The following BICC1 variants were observed in gnomAD, a reference collection of about 807,000 sequenced individuals.
BICC1 encodes the protein protein bicaudal C homolog 1.
BICC1 carries 43 observed loss-of-function variants against 111.0 expected under a neutral mutation model. The observed-to-expected ratio is 0.39, with a 90% CI of 0.30 to 0.50. The LOEUF (loss-of-function observed/expected upper bound fraction) is 0.50. Among genes scored for constraint, BICC1 ranks in the 20% least tolerant of loss-of-function variants. BICC1 has a pLI of 0.88. For synonymous variants in BICC1, 467 were observed against 434.4 expected, an observed-to-expected ratio of 1.07 and a Z score of -0.93; for missense variants, 1,091 against 1,203.2, an observed-to-expected ratio of 0.91 and a Z score of 1.38.
At chr10:58,535,434 T>C (rs1398481856) in intron 1 of BICC1, among the ~76,000 whole-genome samples, 1 of 151,738 alleles carries the variant, frequency 6.6e-6, no homozygotes. Flanking sequence ...TTTAGTCTTC[T>C]TAAACAGAAT....
At chr10:58,629,232 A>C (rs921838158) in intron 2 of BICC1, among the ~76,000 whole-genome samples, 5 of 152,330 alleles carry the variant, frequency 3.3e-5, no homozygotes, top group South Asian at 4.1e-4. Flanking sequence ...ATGACTTCAC[A>C]GAAGAATCAA....
At chr10:58,633,669 C>T (rs901769590) in intron 2 of BICC1, among the ~76,000 whole-genome samples, 6 of 152,102 alleles carry the variant, frequency 3.9e-5, no homozygotes, top group African/African-American at 1.4e-4. Context: ...AATGTATTTT[C>T]CAGGAAAACA....
intron 12 of BICC1, among the ~76,000 whole-genome samples, 160 bp from the exon 13 acceptor site, chr10:58,800,034 G>A (rs1205649361): frequency 6.6e-6 from 1 of 152,060 alleles, no homozygotes; most frequent in Non-Finnish European, 1.5e-5. Flanking sequence ...TTTCAGCAGT[G>A]TTTTGTAGTT....
intron 1 of BICC1, among the ~76,000 whole-genome samples, chr10:58,616,838 C>G (rs993268411): frequency 2.0e-5 from 3 of 152,180 alleles, no homozygotes; most frequent in Non-Finnish European, 4.4e-5. Context: ...TGTGCATAGC[C>G]CCACCATATG....
chr10:58,548,493 A>C (rs1350849775), intron 1 of BICC1, among the ~76,000 whole-genome samples: 4 of 152,110 alleles, frequency 2.6e-5, no homozygotes, highest in African/African-American at 4.8e-5. Context: ...AACCTCCCAA[A>C]TGATTTTTTA....
chr10:58,739,388 T>A (rs191066358), intron 3 of BICC1, among the ~76,000 whole-genome samples: 1 of 152,344 alleles, frequency 6.6e-6, no homozygotes, highest in Admixed American at 6.5e-5. Flanking sequence ...TTACATTTAT[T>A]GATTTGTGTA....
In BICC1 at chr10:58,803,211, T is replaced by G. The variant is rs754475774; in HGVS notation, c.2150T>G (p.Leu717Arg). Residue 717 changes from leucine (L) to arginine (R), a missense_variant, in exon 15 of 21, where the codon CTT becomes CGT. Physicochemically the swap from Leu to Arg is moderately radical, Grantham distance 102. Around this residue, in one of 3 missense-constraint regions of BICC1, gnomAD observed 843 missense variants for 900.8 expected, o/e 0.94. Coordinates refer to ENST00000373886, the MANE Select transcript of BICC1 (RefSeq NM_001080512.3). The stretch of plus-strand genomic sequence containing the variant: ...CAGCAAAACTCCGAAAGGGCCCACC[T>G]TGCTCCACGGTCATCATATGTCAAC... ...AAQQNSERAHLAPRSSYVNMQ... is the reference protein window; with the variant it reads ...AAQQNSERAHRAPRSSYVNMQ... 1.2e-6 allele frequency: 2 copies of G among 1,607,290 alleles called. No homozygotes were observed. Among genetic ancestry groups the G allele is most frequent in the East Asian group, 4.5e-5 (2 of 44,686 alleles).
At chr10:58,694,019 C>T (rs1179135278) in intron 2 of BICC1, among the ~76,000 whole-genome samples, 1 of 151,938 alleles carries the variant, frequency 6.6e-6, no homozygotes, top group Non-Finnish European at 1.5e-5. Flanking sequence ...TTTTTTGTCA[C>T]AGCCCCTTCC....
chr10:58,773,647 G>T (rs941416270), intron 3 of BICC1, among the ~76,000 whole-genome samples: 3 of 152,250 alleles, frequency 2.0e-5, no homozygotes, highest in Admixed American at 2.0e-4. Context: ...TGCTGGTCCA[G>T]CTTGCTGGGC....
chr10:58,659,838 A>G (rs1233349258), intron 2 of BICC1, among the ~76,000 whole-genome samples: 1 of 152,236 alleles, frequency 6.6e-6, no homozygotes, highest in East Asian at 1.9e-4. Context: ...TCTGAGAAAC[A>G]GAAGCACTTG....
chr10:58,720,346 T>TG (rs1198409426), intron 3 of BICC1, among the ~76,000 whole-genome samples: 2 of 152,288 alleles, frequency 1.3e-5, no homozygotes, highest in African/African-American at 4.8e-5. Context: ...GAGTGAGTGT[T>TG]GGAGTAATTT....
chr10:58,819,784 A>C lies in BICC1; in HGVS notation c.2695-585A>C, dbSNP rs144163603. Among the ~76,000 whole-genome samples, 213 of 152,206 alleles carry C rather than the reference A, an allele frequency of 1.4e-3. 2 individuals carry two copies. The highest frequency in any genetic ancestry group is 4.7e-3 in the African/African-American group (196 of 41,548). On this transcript the variant is annotated intron_variant, in intron 19 of 20. Coordinates refer to ENST00000373886, the MANE Select transcript of BICC1 (RefSeq NM_001080512.3). ...TCTTCTTACACACTATCTTTAAAGG[A>C]AGGTGGGGGATCCTTGGGCAGTTTC...
intron 2 of BICC1, among the ~76,000 whole-genome samples, chr10:58,700,384 A>C (rs1840195810): frequency 6.6e-6 from 1 of 152,090 alleles, no homozygotes; most frequent in African/African-American, 2.4e-5. Context: ...GCTGATGCAG[A>C]GGGAGTTGAG....
At chr10:58,713,155 A>G (rs1840632098) in intron 3 of BICC1, among the ~76,000 whole-genome samples, 1 of 152,174 alleles carries the variant, frequency 6.6e-6, no homozygotes, top group South Asian at 2.1e-4. Context: ...AAACAGTAAA[A>G]CACACCCAGT....
intron 2 of BICC1, among the ~76,000 whole-genome samples, chr10:58,674,174 G>C (rs750526861): frequency 3.4e-4 from 51 of 152,212 alleles, no homozygotes; most frequent in Non-Finnish European, 6.8e-4. Context: ...GTGATAGCTG[G>C]AGCTGGTGTT....
intron 2 of BICC1, among the ~76,000 whole-genome samples, chr10:58,696,349 T>A (rs1309077042): frequency 6.6e-6 from 1 of 152,126 alleles, no homozygotes; most frequent in Non-Finnish European, 1.5e-5. Flanking sequence ...AAAAAAAAAT[T>A]TTCTTACATC....
intron 18 of BICC1, among the ~76,000 whole-genome samples, chr10:58,815,552 ACTC>A (rs1844062089): frequency 1.3e-5 from 2 of 152,142 alleles, no homozygotes; most frequent in South Asian, 4.1e-4. Flanking sequence ...TGACTGTACT[ACTC>A]AGTTGAATAG....
intron 1 of BICC1, among the ~76,000 whole-genome samples, chr10:58,526,575 C>G (rs968048210): frequency 6.9e-6 from 1 of 143,988 alleles, no homozygotes. Context: ...CTATCCCTCC[C>G]TGCTCCCCCC....
chr10:58,671,084 T>G (rs1344257789), intron 2 of BICC1, among the ~76,000 whole-genome samples: 2 of 152,198 alleles, frequency 1.3e-5, no homozygotes, highest in Non-Finnish European at 2.9e-5. Context: ...GTCCTTCCCA[T>G]GTAAGGCGGT....
Sources: allele counts gnomAD v4.1 joint callset (sites outside exome capture counted in the v4.1 genomes callset), GRCh38; gene constraint gnomAD v4.1.1; regional missense constraint gnomAD v4.1.1; transcripts MANE v1.5; gene names NCBI Gene and HGNC (gene_info 2026-07-23, HGNC 2026-07-21).